Variants in MAP1B observed in about 807,000 individuals in gnomAD.
MAP1B encodes microtubule associated protein 1B.
In MAP1B, 12 loss-of-function variants were observed where a neutral mutation model predicts 176.1. The observed-to-expected ratio is 0.07, with a 90% CI of 0.04 to 0.11. The LOEUF (loss-of-function observed/expected upper bound fraction) is 0.11. Ranked by LOEUF, MAP1B falls within the 10% of genes least tolerant of loss-of-function variation. MAP1B has a pLI of 1.00. For missense variants in MAP1B, 2,523 were observed against 2,990.5 expected, an observed-to-expected ratio of 0.84 and a Z score of 3.65; for synonymous variants, 1,044 against 1,135.0, an observed-to-expected ratio of 0.92 and a Z score of 1.61.
intron 2 of MAP1B, among the ~76,000 whole-genome samples, chr5:72,117,243 T>G (rs1302126075): frequency 6.6e-6 from 1 of 152,192 alleles, no homozygotes; most frequent in East Asian, 1.9e-4. Context: ...GTTATTTTAT[T>G]GTATTTTTGT....
chr5:72,108,297 C>A (rs539231132), intron 1 of MAP1B, among the ~76,000 whole-genome samples: 81 of 152,382 alleles, frequency 5.3e-4, no homozygotes, highest in African/African-American at 1.3e-3. Flanking sequence ...CCCGCCCCCC[C>A]CTCCCCGGGG....
At chr5:72,138,159 CTT>C (rs1457548336) in intron 2 of MAP1B, among the ~76,000 whole-genome samples, 2 of 152,086 alleles carry the variant, frequency 1.3e-5, no homozygotes, top group Non-Finnish European at 2.9e-5. Flanking sequence ...ATAAGTAAAA[CTT>C]TAACATTTCA....
intron 2 of MAP1B, among the ~76,000 whole-genome samples, chr5:72,172,816 C>T (rs1288603990): frequency 1.3e-5 from 2 of 152,122 alleles, no homozygotes; most frequent in Non-Finnish European, 2.9e-5. Flanking sequence ...AGGTATTCAT[C>T]ATCTGTGTTT....
Position 72,199,812 on chromosome 5 carries a change from T to A in MAP1B, c.6457T>A (p.Ser2153Thr). Residue 2153 changes from serine to threonine, a missense_variant, in exon 5 of 7, where the codon TCA (serine) becomes ACA (threonine). By Grantham distance (58) the Ser-to-Thr change is moderately conservative. Transcript: ENST00000296755. This position sits in a 1 kb window ranked among gnomAD's most constrained non-coding sequence, Gnocchi z 4.2. ...DETPPTSVSESAPSQTDSDVP... is the reference protein window; with the variant it reads ...DETPPTSVSETAPSQTDSDVP... ...AACCCCTCCCACCTCAGTCAGCGAG[T>A]CAGCCCCATCCCAGACCGACTCTGA... 6.2e-7 allele frequency: 1 copy of A among 1,613,788 alleles called. No individual in the cohort carries two copies. Among genetic ancestry groups the A allele is most frequent in the Non-Finnish European group, 8.5e-7 (1 of 1,179,924 alleles).
chr5:72,193,305 C>T (rs1225876177), intron 4 of MAP1B: 2 of 422,208 alleles, frequency 4.7e-6, no homozygotes, highest in Non-Finnish European at 9.3e-6. Context: ...CAACAAGTGC[C>T]CTGTTAATCT....
intron 2 of MAP1B, among the ~76,000 whole-genome samples, chr5:72,179,442 C>A (rs993505040): frequency 6.6e-6 from 1 of 152,198 alleles, no homozygotes. Context: ...CCTTTACAAG[C>A]CAGGGTGGTG....
At chr5:72,192,983 G>A (rs534556889) in intron 4 of MAP1B, among the ~76,000 whole-genome samples, 1 of 152,292 alleles carries the variant, frequency 6.6e-6, no homozygotes, top group South Asian at 2.1e-4. Flanking sequence ...TTTGATCTTA[G>A]CTGCTCACAC....
At chr5:72,179,643 C>G (rs1746725298) in intron 2 of MAP1B, 1 of 985,478 alleles carries the variant, frequency 1.0e-6, no homozygotes, top group Admixed American at 6.1e-5. Flanking sequence ...CTGGGGCGGC[C>G]CAGCCCCAGG....
At chr5:72,120,297 A>T (rs1745504025) in intron 2 of MAP1B, among the ~76,000 whole-genome samples, 1 of 152,148 alleles carries the variant, frequency 6.6e-6, no homozygotes, top group Admixed American at 6.5e-5. Context: ...CAGATTCTGG[A>T]GTCAAACTGC....
chr5:72,107,606 G>A lies in MAP1B; in HGVS notation c.75G>A (p.Ser25=). The change falls in exon 1 of 7, where the codon TCG becomes TCA. Residue 25 remains serine, a synonymous_variant. Coordinates refer to ENST00000296755, the MANE Select transcript of MAP1B (RefSeq NM_005909.5). ...TCGCCAACCCGGCGGCGTCCACCTC[G>A]CCTAGCCTGTCGCACCGCTTCCTTG... ...GSIANPAAST[S]PSLSHRFLDS... 2.5e-6 allele frequency: 4 copies of A among 1,597,022 alleles called. No homozygotes were observed. Among genetic ancestry groups the A allele is most frequent in the Non-Finnish European group, 2.5e-6 (3 of 1,178,140 alleles).
In MAP1B at chr5:72,196,314, A is replaced by T; in HGVS notation, c.2959A>T (p.Arg987Trp). The change falls in exon 5 of 7, where the codon AGG (arginine) becomes TGG (tryptophan). Residue 987 changes from arginine (R) to tryptophan (W), a missense_variant. Physicochemically the swap from Arg to Trp is moderately radical, Grantham distance 101. Around this residue, in one of 4 missense-constraint regions of MAP1B, gnomAD observed 1,925 missense variants for 2,126.0 expected, o/e 0.91. Transcript: ENST00000296755. The surrounding 1 kb of genome is among the most constrained non-coding windows in gnomAD (Gnocchi z 5.3). The stretch of plus-strand genomic sequence containing the variant: ...CAAGGCGGAGGCTGATGCATACATC[A>T]GGGAGAAGAGGGAGTCTGTGGCCAG... ...SAKAEADAYI[R>W]EKRESVASGD... The T allele has an allele frequency of 6.2e-7, 1 of 1,614,092 alleles. No individual in the cohort carries two copies. Among genetic ancestry groups the T allele is most frequent in the Non-Finnish European group, 8.5e-7 (1 of 1,180,006 alleles).
At chr5:72,184,425 A>G (rs1746845741) in intron 3 of MAP1B, among the ~76,000 whole-genome samples, 2 of 152,230 alleles carry the variant, frequency 1.3e-5, no homozygotes, top group Non-Finnish European at 2.9e-5. Flanking sequence ...GGGGGTCATA[A>G]TAGTTTCTAC....
chr5:72,202,577 A>G (rs748538461), intron 5 of MAP1B, among the ~76,000 whole-genome samples: 1 of 152,208 alleles, frequency 6.6e-6, no homozygotes, highest in African/African-American at 2.4e-5. Flanking sequence ...CTTTACAGCA[A>G]TGAAACCAGC....
At chr5:72,189,167 G>GA (rs1328684936) in intron 4 of MAP1B, among the ~76,000 whole-genome samples, 1 of 152,120 alleles carries the variant, frequency 6.6e-6, no homozygotes, top group Non-Finnish European at 1.5e-5. Flanking sequence ...TAAATGGACT[G>GA]AAAAAATAGA....
chr5:72,203,524 T>C (rs1322737576), intron 5 of MAP1B, 39 bp from the exon 6 acceptor site: 4 of 1,467,040 alleles, frequency 2.7e-6, no homozygotes, highest in Non-Finnish European at 3.8e-6. Flanking sequence ...TCTCTTCACC[T>C]TGCTATGACC....
intron 2 of MAP1B, among the ~76,000 whole-genome samples, chr5:72,163,569 T>G (rs1053440310): frequency 7.9e-5 from 12 of 152,300 alleles, no homozygotes; most frequent in Middle Eastern, 3.4e-3. Flanking sequence ...TTTTGCCACT[T>G]GAGATGAGCT....
At chr5:72,124,580 C>T (rs563131838) in intron 2 of MAP1B, among the ~76,000 whole-genome samples, 1 of 152,340 alleles carries the variant, frequency 6.6e-6, no homozygotes, top group African/African-American at 2.4e-5. Context: ...GAGGTTGCCT[C>T]TCAAAATTGC....
chr5:72,189,217 A>G (rs1008835137), intron 4 of MAP1B, among the ~76,000 whole-genome samples: 7 of 152,210 alleles, frequency 4.6e-5, no homozygotes, highest in African/African-American at 1.7e-4. Context: ...TGGAGTCTTA[A>G]TCACTGGAGA....
At chr5:72,188,111 A>G (rs1746618469) in intron 4 of MAP1B, among the ~76,000 whole-genome samples, 1 of 152,258 alleles carries the variant, frequency 6.6e-6, no homozygotes, top group Non-Finnish European at 1.5e-5. Context: ...ACCTGCACAT[A>G]GTAAAGGCCT....
Sources: allele counts gnomAD v4.1 joint callset (sites outside exome capture counted in the v4.1 genomes callset), GRCh38; gene constraint gnomAD v4.1.1; regional missense constraint gnomAD v4.1.1; non-coding constraint Gnocchi (gnomAD v3.1); transcripts MANE v1.5; gene names NCBI Gene and HGNC (gene_info 2026-07-23, HGNC 2026-07-21).